DNAH7: variants seen among roughly 807,000 people sequenced by gnomAD.
DNAH7 encodes dynein axonemal heavy chain 7.
DNAH7 carries 397 observed loss-of-function variants against 444.6 expected under a neutral mutation model. That is an observed-to-expected ratio of 0.89 (90% CI 0.82 to 0.97). DNAH7 has a LOEUF of 0.97. DNAH7 is among the 50% of genes least tolerant of loss of function. The pLI, the probability that DNAH7 is intolerant of heterozygous loss-of-function variation, is 0.00. For synonymous variants in DNAH7, 1,636 were observed against 1,624.4 expected (o/e 1.01, Z -0.17); for missense variants, 4,902 against 4,800.8 (o/e 1.02, Z -0.62).
chr2:195,895,207 C>G lies in DNAH7; in HGVS notation c.4665G>C (p.Leu1555Phe). 1 of 1,607,070 alleles carries G rather than the reference C, an allele frequency of 6.2e-7. No individual in the cohort carries two copies. Among genetic ancestry groups the G allele is most frequent in the African/African-American group, 1.3e-5 (1 of 74,914 alleles). ...LPLFEGITSDLFPGVKLPKPD... is the reference protein window; with the variant it reads ...LPLFEGITSDFFPGVKLPKPD... ...GTTTTGGTAATTTTACCCCAGGAAACAAATCCGAAGTAATTCCCTGATGAT... is the reference window on the plus strand; with the variant it reads ...GTTTTGGTAATTTTACCCCAGGAAAGAAATCCGAAGTAATTCCCTGATGAT... The change falls in exon 30 of 65, where the codon TTG becomes TTC. Residue 1555 changes from leucine (L) to phenylalanine (F), a missense_variant. Physicochemically the swap from Leu to Phe is conservative, Grantham distance 22. Coordinates refer to ENST00000312428, the MANE Select transcript of DNAH7 (RefSeq NM_018897.3).
chr2:196,020,429 C>T (rs777923188), intron 8 of DNAH7, among the ~76,000 whole-genome samples: 3 of 151,956 alleles, frequency 2.0e-5, no homozygotes, highest in Non-Finnish European at 4.4e-5. Flanking sequence ...TAAACATTTA[C>T]ATTTTCTGTG....
Position 195,960,385 on chromosome 2 carries a change from A to G in DNAH7, c.2766T>C (p.Tyr922=), listed in dbSNP as rs756875469. ...WDAVEFVIHS[Y]RETGTFILAS... is the part of the protein sequence containing the mutation. ...CCAAAATAAATGTCCCAGTTTCTCT[A>G]TAAGAATGGATGACAAATTCCACTG... Residue 922 remains tyrosine (Y), a synonymous_variant, in exon 18 of 65, where the codon TAT becomes TAC. Coordinates refer to ENST00000312428, the MANE Select transcript of DNAH7 (RefSeq NM_018897.3). 6.2e-6 allele frequency: 10 copies of G among 1,614,146 alleles called. No homozygotes were observed. Among genetic ancestry groups the G allele is most frequent in the Middle Eastern group, 1.7e-4 (1 of 6,060 alleles).
chr2:195,869,549 AACT>A lies in DNAH7; in HGVS notation c.6633+2698_6633+2700del, dbSNP rs1014977276. Among the ~76,000 whole-genome samples, 13 of 152,344 alleles carry A rather than the reference AACT, an allele frequency of 8.5e-5. 1 individual carries two copies. The highest frequency in any genetic ancestry group is 3.1e-4 in the African/African-American group (13 of 41,576). On this transcript the variant is annotated intron_variant, in intron 40 of 64. Coordinates refer to ENST00000312428, the MANE Select transcript of DNAH7 (RefSeq NM_018897.3). ...AATAGGACAGGATAAGAAAGACTGG[AACT>A]ACTAGGATAGGGGAGGGGAGTCAGG...
At chr2:195,971,416 C>G (rs908145081) in intron 16 of DNAH7, among the ~76,000 whole-genome samples, 1 of 152,158 alleles carries the variant, frequency 6.6e-6, no homozygotes, top group African/African-American at 2.4e-5. Context: ...TCTCAAGGAG[C>G]TGATGATCCC....
At chr2:195,753,761 A>G (rs1693929487) in intron 63 of DNAH7, among the ~76,000 whole-genome samples, 1 of 152,224 alleles carries the variant, frequency 6.6e-6, no homozygotes, top group African/African-American at 2.4e-5. Context: ...AGTGTAGACA[A>G]TCATCAAGAA....
intron 17 of DNAH7, among the ~76,000 whole-genome samples, chr2:195,965,799 ATTAG>A (rs1332432859): frequency 2.0e-5 from 3 of 152,208 alleles, no homozygotes; most frequent in Admixed American, 6.5e-5. Flanking sequence ...TTTCTACAGA[ATTAG>A]TTGTAATGTC....
At chr2:195,931,095 G>C (rs1688662072) in intron 21 of DNAH7, among the ~76,000 whole-genome samples, 1 of 152,076 alleles carries the variant, frequency 6.6e-6, no homozygotes, top group Non-Finnish European at 1.5e-5. Context: ...CTCAGTACCT[G>C]GGTGATGGGA....
chr2:195,897,010 C>A (rs1702358013), intron 29 of DNAH7, among the ~76,000 whole-genome samples: 2 of 152,122 alleles, frequency 1.3e-5, no homozygotes, highest in Admixed American at 1.3e-4. Flanking sequence ...TAACACACTG[C>A]AAGCTAACTG....
At chr2:195,773,726 C>T (rs1017081832) in intron 60 of DNAH7, among the ~76,000 whole-genome samples, 1 of 152,136 alleles carries the variant, frequency 6.6e-6, no homozygotes, top group African/African-American at 2.4e-5. Context: ...TTTTCAGAGA[C>T]ATCAGAAAGT....
intron 15 of DNAH7, among the ~76,000 whole-genome samples, chr2:195,977,032 C>T (rs1408707304): frequency 6.6e-6 from 1 of 152,152 alleles, no homozygotes; most frequent in Non-Finnish European, 1.5e-5. Flanking sequence ...AGGAAGGGTA[C>T]AAACAAGCCC....
rs187384474 is a variant in DNAH7, at chr2:195,744,946, G to A, written c.11765-4077C>T. On this transcript the variant is annotated intron_variant, in intron 63 of 64. Coordinates refer to ENST00000312428, the MANE Select transcript of DNAH7 (RefSeq NM_018897.3). Reference sequence around the variant, plus strand: ...AACTGGAAACTTTAAAAAGCAGAGCGCCTCTCCTCCTCCAAAGGAATGCAG... The same window carrying A: ...AACTGGAAACTTTAAAAAGCAGAGCACCTCTCCTCCTCCAAAGGAATGCAG... 5.3e-3 allele frequency among the ~76,000 whole-genome samples: 807 copies of A among 152,288 alleles called. 3 individuals carry two copies. Among genetic ancestry groups the A allele is most frequent in the Non-Finnish European group, 7.9e-3 (540 of 68,028 alleles).
chr2:195,806,710 C>T (rs766511711), intron 54 of DNAH7, 30 bp downstream of exon 54: 1 of 1,590,378 alleles, frequency 6.3e-7, no homozygotes, highest in Non-Finnish European at 8.6e-7. Context: ...GCTTTGGAAT[C>T]ATTGAGCTGT....
At chr2:195,846,453 T>C (rs1263465018) in intron 46 of DNAH7, among the ~76,000 whole-genome samples, 1 of 152,210 alleles carries the variant, frequency 6.6e-6, no homozygotes, top group Non-Finnish European at 1.5e-5. Context: ...AGTGTAGTGA[T>C]TTCTCAAAGA....
rs538378922 is a variant in DNAH7, at chr2:195,817,665, TAAG to T, written c.9425+28_9425+30del. 5.8e-5 allele frequency: 91 copies of T among 1,565,892 alleles called. 3 individuals are homozygous for T. The South Asian group carries it at 1.1e-3, about 18-fold the overall frequency. The stretch of plus-strand genomic sequence containing the variant: ...TTCATTCTAGTGATCTAGAAACAAA[TAAG>T]AATAGTTCTGTTTATGACATTTAAA... On this transcript the variant is annotated intron_variant, in intron 50 of 64. Coordinates refer to ENST00000312428, the MANE Select transcript of DNAH7 (RefSeq NM_018897.3).
chr2:195,971,088 A>G (rs1691807544), intron 16 of DNAH7, among the ~76,000 whole-genome samples: 2 of 152,230 alleles, frequency 1.3e-5, no homozygotes, highest in South Asian at 4.1e-4. Flanking sequence ...GTAAAACAAA[A>G]ATACAAACTA....
chr2:195,913,486 A>G (rs1687481129), intron 24 of DNAH7, among the ~76,000 whole-genome samples: 1 of 152,222 alleles, frequency 6.6e-6, no homozygotes, highest in Non-Finnish European at 1.5e-5. Context: ...AAAACAAAGC[A>G]AAACAAAATA....
chr2:195,761,539 A>G (rs1286262753), intron 61 of DNAH7, among the ~76,000 whole-genome samples: 2 of 152,110 alleles, frequency 1.3e-5, no homozygotes, highest in African/African-American at 4.8e-5. Flanking sequence ...GCATTTAACA[A>G]TCAAACTCCC....
rs1426791979 is a variant in DNAH7 at position 195,949,220 on chromosome 2, T to C, written c.3078+8041A>G. The stretch of plus-strand genomic sequence containing the variant: ...ACAATGGAGTTTTCTAAATATGCAA[T>C]CATGTCATCTGCAAACAGAGACAAT... On this transcript the variant is annotated intron_variant, in intron 19 of 64. Coordinates refer to ENST00000312428, the MANE Select transcript of DNAH7 (RefSeq NM_018897.3). Among the ~76,000 whole-genome samples, 3 of 152,174 alleles carry C rather than the reference T, an allele frequency of 2.0e-5. No individual in the cohort carries two copies. The East Asian group carries it at 5.8e-4, about 29-fold the overall frequency.
At position 195,771,706 on chromosome 2, in the gene DNAH7, A is replaced by T. The variant is rs747849544; in HGVS notation, c.11387T>A (p.Leu3796Gln). Residue 3796 changes from leucine to glutamine, a missense_variant, in exon 61 of 65, where the codon CTG becomes CAG. Physicochemically the swap from Leu to Gln is moderately radical, Grantham distance 113. Transcript: ENST00000312428. ...VQEMGRFNKLLKTIRDSCVNI... is the reference protein window; with the variant it reads ...VQEMGRFNKLQKTIRDSCVNI... ...TACGCACGAATCTCTTATGGTCTTCAGTAACTTATTGAACCGTCCCATCTC... is the reference window on the plus strand; with the variant it reads ...TACGCACGAATCTCTTATGGTCTTCTGTAACTTATTGAACCGTCCCATCTC... 1 of 1,614,008 alleles carries T rather than the reference A, an allele frequency of 6.2e-7. No individual in the cohort carries two copies. The highest frequency in any genetic ancestry group is 8.5e-7 in the Non-Finnish European group (1 of 1,180,010).
Sources: allele counts gnomAD v4.1 joint callset (sites outside exome capture counted in the v4.1 genomes callset), GRCh38; gene constraint gnomAD v4.1.1; transcripts MANE v1.5; gene names NCBI Gene and HGNC (gene_info 2026-07-23, HGNC 2026-07-21).